EARS2: variants seen among roughly 807,000 people sequenced by gnomAD.
The protein encoded by EARS2 is glutamyl-tRNA synthetase 2, mitochondrial.
In EARS2, 50 loss-of-function variants were observed where a neutral mutation model predicts 54.1. The ratio of observed to expected loss-of-function variants is 0.92; its 90% confidence interval spans 0.74 to 1.17. The LOEUF is 1.17. EARS2 is among the 50% of genes most tolerant of loss of function. The pLI is 0.00. For missense variants in EARS2, 673 were observed against 675.0 expected, an observed-to-expected ratio of 1.00 and a Z score of 0.03; for synonymous variants, 298 against 281.0, an observed-to-expected ratio of 1.06 and a Z score of -0.61.
intron 3 of EARS2, among the ~76,000 whole-genome samples, chr16:23,539,518 T>C (rs912879566): frequency 4.6e-5 from 7 of 152,144 alleles, no homozygotes; most frequent in African/African-American, 7.2e-5. Context: ...TACTGTTTAG[T>C]CCACAAAAAA....
In EARS2 at chr16:23,525,082, T is replaced by C. The variant is rs182747538; in HGVS notation, c.1488+162A>G. On this transcript the variant is annotated intron_variant, in intron 8 of 8. Coordinates refer to ENST00000449606, the MANE Select transcript of EARS2 (RefSeq NM_001083614.2). ...TACCTAACACAATGCTTGCACATAG[T>C]AGGTACTCAATAGTGTCTGTTGATT... The C allele has an allele frequency of 3.4e-5, 29 of 847,038 alleles. No homozygotes were observed. The African/African-American group carries it at 4.2e-4, about 12-fold the overall frequency. 52.5% of individuals were successfully genotyped at this position (847,038 alleles called of 1,614,324 possible). A position where few individuals can be genotyped will look rare whatever the true frequency, so the allele number is the denominator to read the frequency against.
chr16:23,539,551 G>A (rs1965479101), intron 3 of EARS2, among the ~76,000 whole-genome samples: 1 of 152,158 alleles, frequency 6.6e-6, no homozygotes, highest in Admixed American at 6.6e-5. Context: ...TAAGCTGTCT[G>A]ATTTGCTTTC....
intron 3 of EARS2, among the ~76,000 whole-genome samples, chr16:23,539,792 C>T (rs1020427894): frequency 5.9e-5 from 9 of 151,934 alleles, no homozygotes; most frequent in Non-Finnish European, 1.3e-4. Flanking sequence ...GTGGGAAGAT[C>T]GCTTGAGTTT....
chr16:23,543,117 C>CAAA lies in EARS2; in HGVS notation c.485+1394_485+1396dup, dbSNP rs35137770. Among the ~76,000 whole-genome samples, 310 of 71,960 alleles carry CAAA rather than the reference C, an allele frequency of 4.3e-3. 11 individuals are homozygous for CAAA. The highest frequency in any genetic ancestry group is 0.019 in the African/African-American group (294 of 15,274). The allele number at this position is 71,960 out of a possible 152,430, so 47.2% of individuals were successfully genotyped here. ...GTAGCAGAGCAAGACTCTGTCTCAC[C>CAAA]AAAAAAAAAAAAAAAAAAAAGTCAG... On this transcript the variant is annotated intron_variant, in intron 3 of 8. Transcript: ENST00000449606.
In EARS2 at chr16:23,521,727, T is replaced by G. The variant is rs557445599; in HGVS notation, c.*2644A>C. ...TTTAGCATGAAGTCCTAGAGGTTCA[T>G]CCATGTTGTAGATATACCAGAATCG... On this transcript the variant is annotated 3_prime_UTR_variant, in exon 9 of 9. Coordinates refer to ENST00000449606, the MANE Select transcript of EARS2 (RefSeq NM_001083614.2). The G allele has an allele frequency of 6.6e-6, 3 of 453,414 alleles. No individual in the cohort carries two copies. Among genetic ancestry groups the G allele is most frequent in the African/African-American group, 6.0e-5 (3 of 50,132 alleles). The allele number at this position is 453,414 out of a possible 1,614,324, so 28.1% of individuals were successfully genotyped here. A position where few individuals can be genotyped will look rare whatever the true frequency, so the allele number is the denominator to read the frequency against.
At position 23,529,806 on chromosome 16, in the gene EARS2, G is replaced by A. The variant is rs767583652; in HGVS notation, c.1159C>T (p.Gln387Ter). 36 of 1,613,976 alleles carry A rather than the reference G, an allele frequency of 2.2e-5. No individual in the cohort carries two copies. Among genetic ancestry groups the A allele is most frequent in the Non-Finnish European group, 2.7e-5 (32 of 1,180,026 alleles). Residue 387 changes from glutamine to a stop codon, truncating the protein, a stop_gained, in exon 6 of 9, where the codon CAG becomes TAG. Coordinates refer to ENST00000449606, the MANE Select transcript of EARS2 (RefSeq NM_001083614.2). LOFTEE classifies it high-confidence loss of function. ...QVLVEEAFGC[Q>*]LQNRDVLNPV... ...TTGAGGACATCCCTGTTTTGCAGCT[G>A]GCAACCAAAGGCCTCCTCCACAAGG...
At chr16:23,527,550 CTTT>C (rs33925429) in intron 7 of EARS2, among the ~76,000 whole-genome samples, 15 of 84,518 alleles carry the variant, frequency 1.8e-4, no homozygotes, top group Non-Finnish European at 7.2e-5. Flanking sequence ...AGTGATCGTT[CTTT>C]TTTTTTTTTT....
chr16:23,546,296 G>A (rs1352999705), intron 2 of EARS2: 1 of 425,158 alleles, frequency 2.4e-6, no homozygotes, highest in African/African-American at 2.0e-5. Context: ...AGCTTTCAAA[G>A]GAATTGGGAA....
intron 6 of EARS2, 22 bp from the exon 7 acceptor site, chr16:23,529,654 G>C (rs1299573263): frequency 2.5e-6 from 4 of 1,613,814 alleles, no homozygotes; most frequent in Non-Finnish European, 2.5e-6. Context: ...GGCAGTCATT[G>C]AATGCACTAG....
chr16:23,553,090 T>C (rs1466022966), intron 1 of EARS2: 1 of 372,976 alleles, frequency 2.7e-6, no homozygotes, highest in South Asian at 1.9e-5. Flanking sequence ...ATCACGCCTC[T>C]GCACTCCAGC....
chr16:23,551,629 A>T (rs1033243101), intron 2 of EARS2, among the ~76,000 whole-genome samples: 1 of 150,968 alleles, frequency 6.6e-6, no homozygotes, highest in African/African-American at 2.4e-5. Context: ...TTAAAAAATA[A>T]AGAAACCAAG....
At chr16:23,556,695 C>T in intron 1 of EARS2, 1 of 355,802 alleles carries the variant, frequency 2.8e-6, no homozygotes, top group South Asian at 2.2e-5. Flanking sequence ...ACATAGCGTG[C>T]TCCTTCTTGT....
chr16:23,538,672 C>T (rs964685088), intron 3 of EARS2, among the ~76,000 whole-genome samples: 7 of 151,814 alleles, frequency 4.6e-5, no homozygotes, highest in Non-Finnish European at 7.4e-5. Flanking sequence ...ACCTGGGTAA[C>T]GAGACCTTGT....
intron 1 of EARS2, among the ~76,000 whole-genome samples, chr16:23,555,743 C>T (rs1323899772): frequency 6.6e-6 from 1 of 152,174 alleles, no homozygotes; most frequent in East Asian, 1.9e-4. Flanking sequence ...GGCTGCAGTG[C>T]GGTGGCACGA....
At chr16:23,538,317 T>G (rs1965458852) in intron 3 of EARS2, among the ~76,000 whole-genome samples, 1 of 151,920 alleles carries the variant, frequency 6.6e-6, no homozygotes, top group African/African-American at 2.4e-5. Flanking sequence ...CCAGCTAATT[T>G]CAGCAGAGAT....
chr16:23,520,940 T>C lies in EARS2; in HGVS notation c.*3431A>G, dbSNP rs533072534. Among the ~76,000 whole-genome samples the C allele has an allele frequency of 4.6e-5, 7 of 152,180 alleles. No homozygotes were observed. In the South Asian group the frequency reaches 6.2e-4, roughly 14 times the overall value. ...CCAAGTAGCTGGGATTATAGGTATG[T>C]ACCACCACACCTGGCTAATTTTTGT... On this transcript the variant is annotated 3_prime_UTR_variant, in exon 9 of 9. Transcript: ENST00000449606.
intron 5 of EARS2, among the ~76,000 whole-genome samples, chr16:23,531,291 T>C (rs1965323499): frequency 1.3e-5 from 2 of 151,396 alleles, no homozygotes; most frequent in Admixed American, 6.6e-5. Flanking sequence ...GACGGAGTCT[T>C]GTTCTGTCAC....
chr16:23,546,543 T>C (rs1965606298), intron 2 of EARS2: 4 of 417,570 alleles, frequency 9.6e-6, no homozygotes, highest in Admixed American at 8.2e-5. Context: ...CGGTGCTCTC[T>C]ATGCTTTGGT....
At chr16:23,536,475 A>C (rs1489926571) in intron 3 of EARS2, among the ~76,000 whole-genome samples, 2 of 151,972 alleles carry the variant, frequency 1.3e-5, no homozygotes, top group African/African-American at 4.8e-5. Context: ...TGGGCAACAT[A>C]GTGAGACTCT....
Sources: allele counts gnomAD v4.1 joint callset (sites outside exome capture counted in the v4.1 genomes callset), GRCh38; gene constraint gnomAD v4.1.1; transcripts MANE v1.5; gene names NCBI Gene and HGNC (gene_info 2026-07-23, HGNC 2026-07-21).